The following SHPRH variants were observed in gnomAD, a reference collection of about 807,000 sequenced individuals.
SHPRH encodes the protein E3 ubiquitin-protein ligase SHPRH.
In SHPRH, 106 loss-of-function variants were observed where a neutral mutation model predicts 202.5. The observed-to-expected ratio is 0.52, with a 90% CI of 0.45 to 0.62. SHPRH has a LOEUF of 0.62. SHPRH is among the 20% of genes least tolerant of loss of function. SHPRH has a pLI of 0.00. For missense variants in SHPRH, 1,710 were observed against 2,020.0 expected, an observed-to-expected ratio of 0.85 and a Z score of 2.94; for synonymous variants, 729 against 686.0, an observed-to-expected ratio of 1.06 and a Z score of -0.98.
intron 1 of SHPRH, among the ~76,000 whole-genome samples, chr6:145,957,878 T>A (rs966805557): frequency 3.3e-5 from 5 of 152,224 alleles, no homozygotes; most frequent in Non-Finnish European, 5.9e-5. Context: ...TAAACTTGAA[T>A]GTTAACAGCT....
chr6:145,891,702 A>G (rs1466089097), intron 28 of SHPRH, among the ~76,000 whole-genome samples: 2 of 152,182 alleles, frequency 1.3e-5, no homozygotes, highest in Non-Finnish European at 2.9e-5. Flanking sequence ...TTTCCCCTGT[A>G]TGAGGCAAGA....
chr6:145,912,410 G>A (rs1236351574), intron 24 of SHPRH, among the ~76,000 whole-genome samples: 1 of 152,016 alleles, frequency 6.6e-6, no homozygotes, highest in African/African-American at 2.4e-5. Flanking sequence ...GTATATGAAA[G>A]AACTTTAAAA....
At chr6:145,915,859 T>C (rs986401881) in intron 23 of SHPRH, among the ~76,000 whole-genome samples, 1 of 152,086 alleles carries the variant, frequency 6.6e-6, no homozygotes, top group African/African-American at 2.4e-5. Context: ...TTCTTGAATC[T>C]TTAAGATATT....
intron 25 of SHPRH, among the ~76,000 whole-genome samples, chr6:145,897,067 T>C (rs966665674): frequency 4.6e-5 from 7 of 151,558 alleles, no homozygotes; most frequent in African/African-American, 1.7e-4. Flanking sequence ...ATAAATAAAA[T>C]AGAGATCAGA....
In SHPRH at chr6:145,892,922, GC is replaced by G. The variant is rs1460336119; in HGVS notation, c.4874+292del. On this transcript the variant is annotated intron_variant, in intron 28 of 29. Coordinates refer to ENST00000275233, the MANE Select transcript of SHPRH (RefSeq NM_001042683.3). ...TAGCTGTCTTAAGTATTTCTAACAAGCTTTTTTTTGGATAAAGTGATAAGGT... is the reference window on the plus strand; with the variant it reads ...TAGCTGTCTTAAGTATTTCTAACAAGTTTTTTTTGGATAAAGTGATAAGGT... Among the ~76,000 whole-genome samples, 4 of 151,954 alleles carry G rather than the reference GC, an allele frequency of 2.6e-5. No homozygotes were observed. In the South Asian group the frequency reaches 8.3e-4, roughly 32 times the overall value.
rs1022371085 is a variant in SHPRH, at chr6:145,885,728, G to C, written c.*963C>G. 3.9e-5 allele frequency: 6 copies of C among 152,026 alleles called. No individual in the cohort carries two copies. The highest frequency in any genetic ancestry group is 1.4e-4 in the African/African-American group (6 of 41,392). The allele number at this position is 152,026 out of a possible 1,614,324, so 9.4% of individuals were successfully genotyped here. A position where few individuals can be genotyped will look rare whatever the true frequency, so the allele number is the denominator to read the frequency against. ...CAAAAGGTCAAAGACTCGTGCTTAA[G>C]GGAGGAACAACTGGAGTGAAATAAC... On this transcript the variant is annotated 3_prime_UTR_variant, in exon 30 of 30. Coordinates refer to ENST00000275233, the MANE Select transcript of SHPRH (RefSeq NM_001042683.3).
In SHPRH at chr6:145,886,419, C is replaced by A; in HGVS notation, c.*272G>T. On this transcript the variant is annotated 3_prime_UTR_variant, in exon 30 of 30. Coordinates refer to ENST00000275233, the MANE Select transcript of SHPRH (RefSeq NM_001042683.3). The stretch of plus-strand genomic sequence containing the variant: ...AGTACACATTACCTCTCTTAATTCC[C>A]TTGCATCATCAGATATAGATACTAT... The A allele has an allele frequency of 1.3e-6, 1 of 767,822 alleles. No homozygotes were observed. 47.6% of individuals were successfully genotyped at this position (767,822 alleles called of 1,614,324 possible).
At chr6:145,927,084 G>A in intron 15 of SHPRH, 105 bp downstream of exon 15, 1 of 986,130 alleles carries the variant, frequency 1.0e-6, no homozygotes. Context: ...GTTTCACCCA[G>A]TGATTATGAC....
At chr6:145,939,781 C>T (rs1301902306) in intron 11 of SHPRH, among the ~76,000 whole-genome samples, 42 of 151,972 alleles carry the variant, frequency 2.8e-4, no homozygotes, top group African/African-American at 4.8e-5. Flanking sequence ...GAAAATATTA[C>T]TAGAAAACCT....
chr6:145,879,848 G>T (rs983455645), downstream of SHPRH, among the ~76,000 whole-genome samples: 1 of 149,022 alleles, frequency 6.7e-6, no homozygotes, highest in African/African-American at 2.5e-5. Context: ...GGAGTAGGAG[G>T]TTGTGGTGAG....
intron 14 of SHPRH, among the ~76,000 whole-genome samples, chr6:145,929,152 C>T (rs1336625650): frequency 6.6e-6 from 1 of 151,656 alleles, no homozygotes; most frequent in Non-Finnish European, 1.5e-5. Context: ...AAAAGACATG[C>T]TTTCTGAGGA....
chr6:145,886,774 A>G lies in SHPRH; in HGVS notation c.4969T>C (p.Ser1657Pro). The change falls in exon 30 of 30, where the codon TCA becomes CCA. Residue 1657 changes from serine to proline, a missense_variant. Ser to Pro is a moderately conservative substitution (Grantham distance 74). This residue lies in a region of SHPRH where 306 missense variants were observed against 479.5 expected (regional missense o/e 0.64). Transcript: ENST00000275233. The stretch of plus-strand genomic sequence containing the variant: ...ACAGAGGCCTCTGAATGCTTTGCTG[A>G]TGAGTTCGTGTGACTGCAAGGTTTC... Reference protein sequence around the residue: ...KTAERSHTNSSAKHSEASVLT... With the variant: ...KTAERSHTNSPAKHSEASVLT... 1.2e-6 allele frequency: 2 copies of G among 1,613,580 alleles called. No individual in the cohort carries two copies. Among genetic ancestry groups the G allele is most frequent in the Non-Finnish European group, 1.7e-6 (2 of 1,179,676 alleles).
At chr6:145,928,109 C>A (rs961686288) in intron 14 of SHPRH, among the ~76,000 whole-genome samples, 2 of 151,892 alleles carry the variant, frequency 1.3e-5, no homozygotes, top group African/African-American at 4.8e-5. Flanking sequence ...TTTATTAGAA[C>A]CTAGCTCTGC....
rs962547634 is a variant in SHPRH at position 145,946,278 on chromosome 6, T to C, written c.1276A>G (p.Ile426Val). 6.2e-7 allele frequency: 1 copy of C among 1,609,166 alleles called. No homozygotes were observed. The highest frequency in any genetic ancestry group is 8.5e-7 in the Non-Finnish European group (1 of 1,177,644). ...YFGGKLKKTE[I>V]QNIEFEPKEK... ...TTTGGTTCAAATTCGATATTCTGGA[T>C]TTCTGTCTTTTTCAGTTTTCCTCCA... The change falls in exon 7 of 30, where the codon ATC (isoleucine) becomes GTC (valine). Residue 426 changes from isoleucine to valine, a missense_variant. Ile to Val is a conservative substitution (Grantham distance 29). Transcript: ENST00000275233.
chr6:145,865,249 T>C (rs1305691681), intron 2 of SHPRH, among the ~76,000 whole-genome samples: 2 of 152,116 alleles, frequency 1.3e-5, no homozygotes, highest in African/African-American at 4.8e-5. Flanking sequence ...TTGGGAGATA[T>C]TAGATTTAGA....
chr6:145,935,353 C>T lies in SHPRH; in HGVS notation c.2658G>A (p.Lys886=). The T allele has an allele frequency of 1.9e-6, 3 of 1,614,026 alleles. No individual in the cohort carries two copies. Among genetic ancestry groups the T allele is most frequent in the Non-Finnish European group, 2.5e-6 (3 of 1,180,006 alleles). Residue 886 remains lysine (K), a synonymous_variant, in exon 12 of 30, where the codon AAG becomes AAA. Transcript: ENST00000275233. ...AGCTGTAGAGATGCTGAGGATTCTT[C>T]TTGCAGTAAGGCCGATAGAGAAGTC... ...WVRLLYRPYC[K]KNPQHLYSFI... is the part of the protein sequence containing the mutation.
At chr6:145,894,792 G>C (rs1781869395) in intron 26 of SHPRH, 93 bp downstream of exon 26, 1 of 1,058,612 alleles carries the variant, frequency 9.4e-7, no homozygotes, top group Non-Finnish European at 1.4e-6. Context: ...AAAAATCTAA[G>C]AGTAAACATC....
intron 15 of SHPRH, 38 bp from the exon 16 acceptor site, chr6:145,926,334 T>C (rs574017327): frequency 1.5e-5 from 23 of 1,550,646 alleles, no homozygotes; most frequent in Non-Finnish European, 2.0e-5. Flanking sequence ...TGACAGTCAA[T>C]GCAGAAGACT....
In SHPRH at chr6:145,926,265, A is replaced by C; in HGVS notation, c.3233T>G (p.Leu1078Trp). The change falls in exon 16 of 30, where the codon TTG becomes TGG. Residue 1078 changes from leucine to tryptophan, a missense_variant. Coordinates refer to ENST00000275233, the MANE Select transcript of SHPRH (RefSeq NM_001042683.3). ...RLHATHNLMELLIARHPGIPP... is the reference protein window; with the variant it reads ...RLHATHNLMEWLIARHPGIPP... ...TATCCCTGGGTGCCTGGCTATCAAC[A>C]ATTCCATCAAGTTATGGGTAGCATG... The C allele has an allele frequency of 6.2e-7, 1 of 1,612,914 alleles. No homozygotes were observed. Among genetic ancestry groups the C allele is most frequent in the Non-Finnish European group, 8.5e-7 (1 of 1,179,184 alleles).
Sources: allele counts gnomAD v4.1 joint callset (sites outside exome capture counted in the v4.1 genomes callset), GRCh38; gene constraint gnomAD v4.1.1; regional missense constraint gnomAD v4.1.1; transcripts MANE v1.5; gene names NCBI Gene and HGNC (gene_info 2026-07-23, HGNC 2026-07-21).